The following ZFYVE9 variants were observed in gnomAD, a reference collection of about 807,000 sequenced individuals.
ZFYVE9 encodes zinc finger FYVE domain-containing protein 9.
Under a neutral mutation model 126.7 loss-of-function variants are expected in ZFYVE9, and 43 were observed. The observed-to-expected ratio is 0.34, with a 90% CI of 0.27 to 0.44. ZFYVE9 has a LOEUF of 0.44. Among genes scored for constraint, ZFYVE9 ranks in the 20% least tolerant of loss-of-function variants. The pLI is 1.00. For missense variants in ZFYVE9, 1,476 were observed against 1,697.0 expected, an observed-to-expected ratio of 0.87 and a Z score of 2.29; for synonymous variants, 521 against 597.4, an observed-to-expected ratio of 0.87 and a Z score of 1.87.
chr1:52,196,986 A>G (rs1468335431), intron 1 of ZFYVE9, among the ~76,000 whole-genome samples: 2 of 152,206 alleles, frequency 1.3e-5, no homozygotes, highest in African/African-American at 2.4e-5. Context: ...TATATTTAAT[A>G]TCAAACAATT....
intron 1 of ZFYVE9, chr1:52,163,104 T>C (rs1644478349): frequency 4.7e-6 from 1 of 210,592 alleles, no homozygotes; most frequent in African/African-American, 2.3e-5. Context: ...TCTTCCCCAA[T>C]TCAAACAATT....
At chr1:52,343,756 T>G (rs1210903211) in intron 17 of ZFYVE9, among the ~76,000 whole-genome samples, 1 of 140,480 alleles carries the variant, frequency 7.1e-6, no homozygotes, top group Non-Finnish European at 1.5e-5. Context: ...GAGTTGAGAC[T>G]CCATCTCAAA....
chr1:52,174,580 ATCTG>A (rs1482719296), intron 1 of ZFYVE9, among the ~76,000 whole-genome samples: 1 of 150,200 alleles, frequency 6.7e-6, no homozygotes. Flanking sequence ...TGTCTCATTG[ATCTG>A]TCTAATGTTG....
chr1:52,184,758 C>T lies in ZFYVE9; in HGVS notation c.-142-31611C>T, dbSNP rs373393870. On this transcript the variant is annotated intron_variant, in intron 1 of 18. Coordinates refer to ENST00000287727, the MANE Select transcript of ZFYVE9 (RefSeq NM_004799.4). ...TGTAAAAGAATTGAAAAACTGAGTGCGGTGACCTATAATCCCAGATGCTTG... is the reference window on the plus strand; with the variant it reads ...TGTAAAAGAATTGAAAAACTGAGTGTGGTGACCTATAATCCCAGATGCTTG... Among the ~76,000 whole-genome samples the T allele has an allele frequency of 2.4e-4, 37 of 152,154 alleles. 1 individual carries two copies. In the South Asian group the frequency reaches 4.1e-3, roughly 17 times the overall value.
intron 11 of ZFYVE9, 141 bp from the exon 12 acceptor site, chr1:52,295,754 C>A: frequency 1.6e-6 from 1 of 622,812 alleles, no homozygotes. Context: ...GCTACCATGC[C>A]AAATACTTTT....
At chr1:52,236,717 TAATATA>T (rs1645276318) in intron 3 of ZFYVE9, among the ~76,000 whole-genome samples, 1 of 152,176 alleles carries the variant, frequency 6.6e-6, no homozygotes. Flanking sequence ...CCTCAGATAA[TAATATA>T]AATATGAACC....
chr1:52,295,131 C>T (rs1017773788), intron 11 of ZFYVE9, among the ~76,000 whole-genome samples: 1 of 152,080 alleles, frequency 6.6e-6, no homozygotes, highest in Admixed American at 6.5e-5. Context: ...TCGCTTGAAC[C>T]CTCCTAAGGC....
At chr1:52,274,168 GGC>G (rs1410878427) in intron 7 of ZFYVE9, among the ~76,000 whole-genome samples, 2 of 151,978 alleles carry the variant, frequency 1.3e-5, no homozygotes, top group Non-Finnish European at 2.9e-5. Context: ...TTTCTCTTAT[GGC>G]AAAAGAAACC....
intron 1 of ZFYVE9, among the ~76,000 whole-genome samples, chr1:52,143,397 C>T (rs1367289733): frequency 6.6e-6 from 1 of 152,170 alleles, no homozygotes; most frequent in Non-Finnish European, 1.5e-5. Flanking sequence ...AATGTGATTA[C>T]AGGTTATTCT....
At chr1:52,202,522 C>T (rs1644933283) in intron 1 of ZFYVE9, among the ~76,000 whole-genome samples, 1 of 151,814 alleles carries the variant, frequency 6.6e-6, no homozygotes, top group Admixed American at 6.6e-5. Flanking sequence ...CTCAAGTGAT[C>T]CACCTGCCTC....
intron 1 of ZFYVE9, among the ~76,000 whole-genome samples, chr1:52,206,529 T>TTTGTTG (rs369258085): frequency 6.6e-6 from 1 of 151,882 alleles, no homozygotes; most frequent in Non-Finnish European, 1.5e-5. Context: ...AGGTTTCTGT[T>TTTGTTG]TTGTTGTTGT....
chr1:52,337,968 T>C, intron 16 of ZFYVE9, 34 bp downstream of exon 16: 2 of 1,602,288 alleles, frequency 1.2e-6, no homozygotes, highest in Non-Finnish European at 1.7e-6. Flanking sequence ...TTGTGGCTTT[T>C]AGTTATAGGT....
intron 4 of ZFYVE9, among the ~76,000 whole-genome samples, chr1:52,255,533 C>T (rs1487477987): frequency 6.7e-6 from 1 of 148,244 alleles, no homozygotes; most frequent in African/African-American, 2.5e-5. Context: ...TGCGGTGAGC[C>T]GAGATCGCAC....
chr1:52,170,072 A>G (rs1282833962), intron 1 of ZFYVE9, among the ~76,000 whole-genome samples: 1 of 152,224 alleles, frequency 6.6e-6, no homozygotes, highest in Non-Finnish European at 1.5e-5. Context: ...AATTCTTCCT[A>G]TCTTCATTTA....
At chr1:52,162,382 A>G (rs115652799) in intron 1 of ZFYVE9, 7,807 of 337,276 alleles carry the variant, frequency 0.023, 119 homozygotes, top group Non-Finnish European at 0.031. Context: ...CGCCACCACC[A>G]CTATGAGTTC....
At chr1:52,172,447 T>C (rs1644582425) in intron 1 of ZFYVE9, among the ~76,000 whole-genome samples, 1 of 152,216 alleles carries the variant, frequency 6.6e-6, no homozygotes, top group Admixed American at 6.5e-5. Context: ...TGCCTCCAGC[T>C]TTGTTCTTTT....
chr1:52,237,170 A>G (rs1322680297), intron 3 of ZFYVE9, among the ~76,000 whole-genome samples: 1 of 152,030 alleles, frequency 6.6e-6, no homozygotes, highest in Admixed American at 6.6e-5. Flanking sequence ...TTAGATTAGC[A>G]CCTGTCCTGG....
At chr1:52,333,137 A>G (rs1646358190) in intron 14 of ZFYVE9, among the ~76,000 whole-genome samples, 1 of 152,128 alleles carries the variant, frequency 6.6e-6, no homozygotes, top group Non-Finnish European at 1.5e-5. Context: ...AATTTTGAAA[A>G]TATGCCCTTA....
chr1:52,182,523 T>G (rs1303644285), intron 1 of ZFYVE9, among the ~76,000 whole-genome samples: 2 of 152,086 alleles, frequency 1.3e-5, no homozygotes, highest in African/African-American at 2.4e-5. Flanking sequence ...GTGCAAGATG[T>G]GCTTTGTTAA....
Sources: allele counts gnomAD v4.1 joint callset (sites outside exome capture counted in the v4.1 genomes callset), GRCh38; gene constraint gnomAD v4.1.1; transcripts MANE v1.5; gene names NCBI Gene and HGNC (gene_info 2026-07-23, HGNC 2026-07-21).